PHF10: variants seen among roughly 807,000 people sequenced by gnomAD.
The protein encoded by PHF10 is BRG1-associated factor 45a.
Under a neutral mutation model 68.5 loss-of-function variants are expected in PHF10, and 51 were observed. The ratio of observed to expected loss-of-function variants is 0.74; its 90% confidence interval spans 0.59 to 0.94. The LOEUF is 0.94. PHF10 is among the 40% of genes least tolerant of loss of function. The pLI is 0.00. For synonymous variants in PHF10, 204 were observed against 203.5 expected, an observed-to-expected ratio of 1.00 and a Z score of -0.02; for missense variants, 460 against 602.6, an observed-to-expected ratio of 0.76 and a Z score of 2.48.
chr6:169,715,994 T>C lies in PHF10; in HGVS notation c.504A>G (p.Lys168=). ...AATGGTCTGTAATTCGTTGACGTTC[T>C]TTTTCTTGTAGAATAACAGAATACT... ...HAEYSVILQE[K]ERQRITDHYK... The change falls in exon 5 of 12, where the codon AAA becomes AAG. Residue 168 remains lysine, a synonymous_variant. Coordinates refer to ENST00000339209, the MANE Select transcript of PHF10 (RefSeq NM_018288.4). 6.2e-7 allele frequency: 1 copy of C among 1,607,940 alleles called. No individual in the cohort carries two copies. The highest frequency in any genetic ancestry group is 8.5e-7 in the Non-Finnish European group (1 of 1,177,490).
In PHF10 at chr6:169,718,937, A is replaced by T; in HGVS notation, c.195-19T>A. On this transcript the variant is annotated intron_variant, in intron 2 of 11. Coordinates refer to ENST00000339209, the MANE Select transcript of PHF10 (RefSeq NM_018288.4). ...ACTAAAACTAAGTACAGAAATACAT[A>T]TTATGCATTAAATGTAGCTTTCATT... 2.1e-6 allele frequency: 3 copies of T among 1,463,300 alleles called. No homozygotes were observed. The highest frequency in any genetic ancestry group is 2.9e-6 in the Non-Finnish European group (3 of 1,050,570). 90.6% of individuals were successfully genotyped at this position (1,463,300 alleles called of 1,614,324 possible). A position where few individuals can be genotyped will look rare whatever the true frequency, so the allele number is the denominator to read the frequency against.
At chr6:169,721,645 C>CA (rs953450025) in intron 1 of PHF10, among the ~76,000 whole-genome samples, 3 of 150,940 alleles carry the variant, frequency 2.0e-5, no homozygotes, top group African/African-American at 7.3e-5. Flanking sequence ...GCACACACAC[C>CA]AAAAAAAGAA....
At chr6:169,722,664 C>T (rs993533630) in intron 1 of PHF10, among the ~76,000 whole-genome samples, 7 of 152,142 alleles carry the variant, frequency 4.6e-5, no homozygotes, top group African/African-American at 1.7e-4. Flanking sequence ...CAATATTGTT[C>T]CCAATACATG....
chr6:169,723,998 T>TGCCCCC lies in PHF10; in HGVS notation c.-68_-67insGGGGGC. Reference sequence around the variant, plus strand: ...GCCTTGTCCCGGCCGCCGCCGCCGCTGCCGCCGCCGCCGCCGCCGCCGCCG... The same window carrying TGCCCCC: ...GCCTTGTCCCGGCCGCCGCCGCCGCTGCCCCCGCCGCCGCCGCCGCCGCCGCCGCCG... On this transcript the variant is annotated 5_prime_UTR_variant, in exon 1 of 12. Coordinates refer to ENST00000339209, the MANE Select transcript of PHF10 (RefSeq NM_018288.4). 1 of 326,102 alleles carries TGCCCCC rather than the reference T, an allele frequency of 3.1e-6. No individual in the cohort carries two copies. The highest frequency in any genetic ancestry group is 4.2e-6 in the Non-Finnish European group (1 of 239,962). The allele number at this position is 326,102 out of a possible 1,614,324, so 20.2% of individuals were successfully genotyped here.
In PHF10 at chr6:169,714,715, A is replaced by T. The variant is rs1244497876; in HGVS notation, c.803+18T>A. The T allele has an allele frequency of 8.0e-7, 1 of 1,248,644 alleles. No homozygotes were observed. 77.3% of individuals were successfully genotyped at this position (1,248,644 alleles called of 1,614,324 possible). The stretch of plus-strand genomic sequence containing the variant: ...TTACCAATAGCCGATACCAACTGTA[A>T]CTAAAACTACTAAATACCTCTTATA... On this transcript the variant is annotated intron_variant, in intron 7 of 11. Coordinates refer to ENST00000339209, the MANE Select transcript of PHF10 (RefSeq NM_018288.4).
chr6:169,707,079 AAATAG>A (rs1788818047), intron 9 of PHF10: 1 of 152,236 alleles, frequency 6.6e-6, no homozygotes, highest in Admixed American at 6.5e-5. Flanking sequence ...CCTTATACAT[AAATAG>A]AATAAAAACA....
chr6:169,723,061 A>G (rs1789218361), intron 1 of PHF10, among the ~76,000 whole-genome samples: 1 of 152,240 alleles, frequency 6.6e-6, no homozygotes. Flanking sequence ...AGGCTGCTAC[A>G]GGACGGCTTC....
At position 169,721,006 on chromosome 6, in the gene PHF10, C is replaced by A; in HGVS notation, c.193G>T (p.Gly65Cys). The change falls in exon 2 of 12, where the codon GGT becomes TGT. Residue 65 changes from glycine (G) to cysteine (C), a missense_variant and splice_region_variant. Around this residue, in one of 3 missense-constraint regions of PHF10, gnomAD observed 93 missense variants for 82.4 expected, o/e 1.13. Transcript: ENST00000339209. ...RSCETSSQDL[G>C]FSYYPAENLI... ...TAATAACCGATAAAATGACAGTACC[C>A]AAGATCTTGACTTGAAGTTTCACAA... The A allele has an allele frequency of 6.6e-7, 1 of 1,511,704 alleles. No homozygotes were observed. The highest frequency in any genetic ancestry group is 9.0e-7 in the Non-Finnish European group (1 of 1,113,138). 93.6% of individuals were successfully genotyped at this position (1,511,704 alleles called of 1,614,324 possible).
In PHF10 at chr6:169,715,709, T is replaced by A; in HGVS notation, c.692A>T (p.His231Leu). ...GGTACTAAATTTAAGTTATCCTACA[T>A]GTGTCTGCAAGTCAAAATAAGCTCT... The part of the protein sequence containing the change: ...ERRAYFDLQT[H>L]VIQVPQGKYK... Residue 231 changes from histidine (H) to leucine (L), a missense_variant and splice_region_variant, in exon 6 of 12, where the codon CAT becomes CTT. Physicochemically the swap from His to Leu is moderately conservative, Grantham distance 99. Around this residue, in one of 3 missense-constraint regions of PHF10, gnomAD observed 256 missense variants for 410.5 expected, o/e 0.62. Coordinates refer to ENST00000339209, the MANE Select transcript of PHF10 (RefSeq NM_018288.4). The A allele has an allele frequency of 6.2e-7, 1 of 1,611,516 alleles. No homozygotes were observed. The highest frequency in any genetic ancestry group is 1.1e-5 in the South Asian group (1 of 90,844).
intron 7 of PHF10, among the ~76,000 whole-genome samples, chr6:169,713,773 T>C (rs1330318420): frequency 1.3e-5 from 2 of 152,168 alleles, no homozygotes. Flanking sequence ...AATAGTATAT[T>C]ATGAAAAACA....
intron 9 of PHF10, among the ~76,000 whole-genome samples, chr6:169,706,796 A>G (rs560612536): frequency 6.6e-6 from 1 of 150,988 alleles, no homozygotes; most frequent in East Asian, 2.0e-4. Flanking sequence ...GAACTGGGAA[A>G]ATAATTATTT....
At chr6:169,710,515 A>G (rs1271651797) in intron 8 of PHF10, 124 bp from the exon 9 acceptor site, 20 of 731,154 alleles carry the variant, frequency 2.7e-5, no homozygotes, top group Non-Finnish European at 4.6e-5. Flanking sequence ...AAATAAAAAG[A>G]TCATTCTAAA....
intron 9 of PHF10, chr6:169,708,816 CTG>C (rs1357767651): frequency 8.5e-5 from 13 of 152,184 alleles, no homozygotes; most frequent in African/African-American, 2.9e-4. Context: ...TAACAGGACA[CTG>C]TGCTTTGAGC....
intron 4 of PHF10, chr6:169,717,600 C>G (rs778450492): frequency 1.2e-5 from 5 of 433,268 alleles, no homozygotes; most frequent in Non-Finnish European, 2.0e-5. Flanking sequence ...GCTTTCACAC[C>G]ATCATGAAGC....
At chr6:169,723,417 A>C (rs1789228581) in intron 1 of PHF10, among the ~76,000 whole-genome samples, 1 of 152,178 alleles carries the variant, frequency 6.6e-6, no homozygotes, top group South Asian at 2.1e-4. Context: ...TTGATTTTCC[A>C]TATCGTTCGC....
intron 8 of PHF10, among the ~76,000 whole-genome samples, chr6:169,712,147 T>C (rs957332030): frequency 6.6e-6 from 1 of 152,244 alleles, no homozygotes; most frequent in African/African-American, 2.4e-5. Flanking sequence ...TAATTTTCCA[T>C]ACCCTTGCCT....
intron 11 of PHF10, 139 bp from the exon 12 acceptor site, chr6:169,704,227 CCTT>C (rs925296182): frequency 3.5e-6 from 2 of 579,008 alleles, no homozygotes; most frequent in African/African-American, 4.0e-5. Context: ...ACTATGAGTT[CCTT>C]AATTTAAGGA....
intron 11 of PHF10, 33 bp from the exon 12 acceptor site, chr6:169,704,121 ATTATCT>A (rs757200406): frequency 4.4e-5 from 67 of 1,526,748 alleles, no homozygotes; most frequent in Non-Finnish European, 5.3e-5. Flanking sequence ...AGAATGAAAA[ATTATCT>A]TTACAGGACT....
chr6:169,705,034 A>G lies in PHF10; in HGVS notation c.1411+99T>C, dbSNP rs1158586504. 11 of 851,946 alleles carry G rather than the reference A, an allele frequency of 1.3e-5. No individual in the cohort carries two copies. The East Asian group carries it at 2.9e-4, about 22-fold the overall frequency. 52.8% of individuals were successfully genotyped at this position (851,946 alleles called of 1,614,324 possible). ...TGGTCATATTTGCACATAAGAGTCC[A>G]CAAGCTCTTCATGTCATGATAGCGT... is the stretch of plus-strand genomic sequence containing the variant. On this transcript the variant is annotated intron_variant, in intron 11 of 11. Transcript: ENST00000339209.
Sources: gnomAD v4.1 joint callset for allele counts (sites outside exome capture counted in the v4.1 genomes callset) on GRCh38, gnomAD v4.1.1 for gene constraint, gnomAD v4.1.1 regional missense constraint, MANE v1.5 for transcripts, NCBI Gene and HGNC (gene_info 2026-07-23, HGNC 2026-07-21) for gene names.